The following MARK3 variants were observed in gnomAD, a reference collection of about 807,000 sequenced individuals.
The protein encoded by MARK3 is microtubule affinity regulating kinase 3, also known as MAP/microtubule affinity-regulating kinase 3.
MARK3 carries 46 observed loss-of-function variants against 90.1 expected under a neutral mutation model. That is an observed-to-expected ratio of 0.51 (90% CI 0.40 to 0.65). The LOEUF is 0.65. MARK3 is among the 30% of genes least tolerant of loss of function. MARK3 has a pLI of 0.00. For synonymous variants in MARK3, 321 were observed against 332.6 expected, an observed-to-expected ratio of 0.97 and a Z score of 0.38; for missense variants, 818 against 947.2, an observed-to-expected ratio of 0.86 and a Z score of 1.79.
intron 5 of MARK3, among the ~76,000 whole-genome samples, chr14:103,453,968 C>G (rs531357894): frequency 6.6e-4 from 100 of 152,334 alleles, no homozygotes; most frequent in African/African-American, 2.4e-3. Flanking sequence ...CTGTTCCCAT[C>G]TGTTTTAGCT....
rs191475043 is a variant in MARK3 at position 103,503,624 on chromosome 14, G to A, written c.*397G>A. On this transcript the variant is annotated 3_prime_UTR_variant, in exon 18 of 18. Transcript: ENST00000429436. ...GTGCTAAAACATTACAGTTGCCAAG[G>A]AGGAAAATACTGAATGACTGCTAAG... 1.0e-4 allele frequency: 18 copies of A among 180,456 alleles called. No homozygotes were observed. The East Asian group carries it at 2.4e-3, about 24-fold the overall frequency. The allele number at this position is 180,456 out of a possible 1,614,324, so 11.2% of individuals were successfully genotyped here.
At chr14:103,501,679 C>G (rs1182202849) in intron 17 of MARK3, among the ~76,000 whole-genome samples, 19 of 152,012 alleles carry the variant, frequency 1.2e-4, no homozygotes, top group Non-Finnish European at 1.5e-5. Context: ...TCCTGCTCGG[C>G]GGGCTCCACC....
At chr14:103,463,713 C>G (rs1200382003) in intron 7 of MARK3, among the ~76,000 whole-genome samples, 1 of 152,134 alleles carries the variant, frequency 6.6e-6, no homozygotes, top group South Asian at 2.1e-4. Flanking sequence ...TTTCTAGTGC[C>G]TCTTCCTCCC....
At chr14:103,424,529 A>G (rs1386342635) in intron 2 of MARK3, among the ~76,000 whole-genome samples, 1 of 8,962 alleles carries the variant, frequency 1.1e-4, no homozygotes, top group Non-Finnish European at 1.4e-3. Context: ...TCGTCTCAAA[A>G]AAAAAAAACA....
At chr14:103,489,955 T>C (rs1367025638) in intron 14 of MARK3, 1 of 152,276 alleles carries the variant, frequency 6.6e-6, no homozygotes, top group Non-Finnish European at 1.5e-5. Flanking sequence ...AGAAGGGGGC[T>C]CTGCTGACTG....
At chr14:103,499,015 C>G (rs1453352149) in intron 16 of MARK3, 3 of 152,270 alleles carry the variant, frequency 2.0e-5, no homozygotes, top group African/African-American at 7.2e-5. Flanking sequence ...AAAGCTACAG[C>G]CTCATTTGAT....
At chr14:103,394,127 G>A (rs1014579034) in intron 1 of MARK3, among the ~76,000 whole-genome samples, 3 of 152,162 alleles carry the variant, frequency 2.0e-5, no homozygotes, top group Admixed American at 6.5e-5. Context: ...GGAATATTCC[G>A]TGACTTGTGG....
At chr14:103,458,988 TC>T (rs1291913172) in intron 6 of MARK3, among the ~76,000 whole-genome samples, 1 of 152,226 alleles carries the variant, frequency 6.6e-6, no homozygotes. Context: ...ATTCCATAGT[TC>T]TTTGCAATTC....
At chr14:103,406,672 G>T (rs2091317573) in intron 2 of MARK3, among the ~76,000 whole-genome samples, 1 of 144,582 alleles carries the variant, frequency 6.9e-6, no homozygotes, top group Non-Finnish European at 1.5e-5. Flanking sequence ...GTGCAATCTC[G>T]GCTCACTGCA....
At chr14:103,471,937 G>T (rs919215533) in intron 12 of MARK3, among the ~76,000 whole-genome samples, 4 of 152,184 alleles carry the variant, frequency 2.6e-5, no homozygotes, top group African/African-American at 9.7e-5. Context: ...AGGGCTGGGC[G>T]CAGTGGCTCA....
chr14:103,457,371 C>G (rs957235075), intron 6 of MARK3, among the ~76,000 whole-genome samples, 159 bp downstream of exon 6: 1 of 152,152 alleles, frequency 6.6e-6, no homozygotes, highest in Admixed American at 6.5e-5. Context: ...CTTTTCATAC[C>G]TAAGGCACTG....
rs1197452753 is a variant in MARK3 at position 103,474,969 on chromosome 14, T to TA, written c.1265-18dup. ...AAACTTGAAACTATATTCAGTCATT[T>TA]AAAAAATGAACTCTTTATTTTAGCT... On this transcript the variant is annotated intron_variant, in intron 12 of 17. Transcript: ENST00000429436. 1.9e-6 allele frequency: 3 copies of TA among 1,579,130 alleles called. No homozygotes were observed. In the East Asian group the frequency reaches 6.8e-5, roughly 36 times the overall value.
rs1595681673 is a variant in MARK3, at chr14:103,438,782, C to A, written c.298-10137C>A. Among the ~76,000 whole-genome samples the A allele has an allele frequency of 3.3e-5, 5 of 152,150 alleles. No individual in the cohort carries two copies. The East Asian group carries it at 7.7e-4, about 23-fold the overall frequency. ...ACCAAGGCAGGCAGATTGCTGAGCT[C>A]AGGAGTTCAAGACCAGCCTGGGCAA... On this transcript the variant is annotated intron_variant, in intron 3 of 17. Transcript: ENST00000429436.
At chr14:103,462,057 G>A (rs998274841) in intron 6 of MARK3, among the ~76,000 whole-genome samples, 28 of 146,560 alleles carry the variant, frequency 1.9e-4, no homozygotes, top group Non-Finnish European at 2.4e-4. Flanking sequence ...AAAAAAAGTT[G>A]CACCAGAGCC....
At chr14:103,399,134 A>AT (rs1240019173) in intron 1 of MARK3, among the ~76,000 whole-genome samples, 1 of 152,182 alleles carries the variant, frequency 6.6e-6, no homozygotes, top group African/African-American at 2.4e-5. Context: ...TGTTAAAAAA[A>AT]TTTTTTACGG....
intron 3 of MARK3, among the ~76,000 whole-genome samples, chr14:103,435,565 C>A (rs773539115): frequency 3.3e-5 from 5 of 152,012 alleles, no homozygotes; most frequent in Non-Finnish European, 5.9e-5. Flanking sequence ...CCCGCCACCA[C>A]GCCCGGCTAA....
chr14:103,496,354 A>G (rs1009300754), intron 15 of MARK3, among the ~76,000 whole-genome samples: 5 of 151,808 alleles, frequency 3.3e-5, no homozygotes, highest in Non-Finnish European at 5.9e-5. Flanking sequence ...GCTGAGCCAC[A>G]TGGATCACTT....
chr14:103,413,466 G>A (rs577471555), intron 2 of MARK3, among the ~76,000 whole-genome samples: 54 of 137,648 alleles, frequency 3.9e-4, no homozygotes, highest in Admixed American at 3.1e-4. Flanking sequence ...TGGCTCTGTC[G>A]CCCAGGCTGG....
chr14:103,444,349 T>C (rs2141246715), intron 3 of MARK3, among the ~76,000 whole-genome samples: 1 of 152,222 alleles, frequency 6.6e-6, no homozygotes, highest in African/African-American at 2.4e-5. Context: ...GATGTGAAAA[T>C]GTGTGGAGGA....
Sources: gnomAD v4.1 joint callset for allele counts (sites outside exome capture counted in the v4.1 genomes callset) on GRCh38, gnomAD v4.1.1 for gene constraint, MANE v1.5 for transcripts, NCBI Gene and HGNC (gene_info 2026-07-23, HGNC 2026-07-21) for gene names.